The following FGF19 variants were observed in gnomAD, a reference collection of about 807,000 sequenced individuals.
FGF19 encodes the protein fibroblast growth factor 19, also known as FGF-19.
Under a neutral mutation model 8.9 loss-of-function variants are expected in FGF19, and 5 were observed. The observed-to-expected ratio is 0.56, with a 90% CI of 0.29 to 1.18. FGF19 has a LOEUF of 1.18. Ranked by LOEUF, FGF19 falls within the 50% of genes most tolerant of loss-of-function variation. The pLI, the probability that FGF19 is intolerant of heterozygous loss-of-function variation, is 0.08. For synonymous variants in FGF19, 124 were observed against 128.0 expected, an observed-to-expected ratio of 0.97 and a Z score of 0.21; for missense variants, 237 against 293.9, an observed-to-expected ratio of 0.81 and a Z score of 1.42.
Position 69,703,710 on chromosome 11 carries a change from G to T in FGF19, c.167C>A (p.Ser56Tyr), listed in dbSNP as rs1854804680. The T allele has an allele frequency of 8.1e-7, 1 of 1,233,434 alleles. No individual in the cohort carries two copies. Among genetic ancestry groups the T allele is most frequent in the Non-Finnish European group, 1.0e-6 (1 of 988,716 alleles). 76.4% of individuals were successfully genotyped at this position (1,233,434 alleles called of 1,614,324 possible). A position where few individuals can be genotyped will look rare whatever the true frequency, so the allele number is the denominator to read the frequency against. The change falls in exon 1 of 3, where the codon TCC (serine) becomes TAC (tyrosine). Residue 56 changes from serine to tyrosine, a missense_variant. Transcript: ENST00000294312. The surrounding 1 kb of genome is among the most constrained non-coding windows in gnomAD (Gnocchi z 6.8). ...GGCACGGATGCGCAGGAAGCAGCTGGAGAGCCCGTGGGGGCCGGAGGTGTA... is the reference window on the plus strand; with the variant it reads ...GGCACGGATGCGCAGGAAGCAGCTGTAGAGCCCGTGGGGGCCGGAGGTGTA... ...HLYTSGPHGLSSCFLRIRADG... is the reference protein window; with the variant it reads ...HLYTSGPHGLYSCFLRIRADG...
chr11:69,703,849 C>T lies in FGF19; in HGVS notation c.28G>A (p.Val10Ile), dbSNP rs2119918698. 8.0e-7 allele frequency: 1 copy of T among 1,243,194 alleles called. No homozygotes were observed. The highest frequency in any genetic ancestry group is 1.0e-6 in the Non-Finnish European group (1 of 993,982). 77.0% of individuals were successfully genotyped at this position (1,243,194 alleles called of 1,614,324 possible). The change falls in exon 1 of 3, where the codon GTA becomes ATA. Residue 10 changes from valine to isoleucine, a missense_variant. Physicochemically the swap from Val to Ile is conservative, Grantham distance 29. Coordinates refer to ENST00000294312, the MANE Select transcript of FGF19 (RefSeq NM_005117.3). The surrounding 1 kb of genome is among the most constrained non-coding windows in gnomAD (Gnocchi z 6.8). MRSGCVVVH[V>I]WILAGLWLAV... ...AGCCAGAGGCCGGCCAGGATCCATA[C>T]GTGGACCACCACACACCCGCTCCGC...
chr11:69,701,512 A>G (rs1426136881), intron 2 of FGF19, among the ~76,000 whole-genome samples: 1 of 149,776 alleles, frequency 6.7e-6, no homozygotes, highest in East Asian at 2.0e-4. Flanking sequence ...CTGAGGCAGG[A>G]GAATTGCTTG....
rs1157073249 is a variant in FGF19, at chr11:69,698,467, CT to C, written c.*794del. 5.3e-6 allele frequency: 1 copy of C among 187,318 alleles called. No homozygotes were observed. The highest frequency in any genetic ancestry group is 2.3e-5 in the African/African-American group (1 of 42,718). The allele number at this position is 187,318 out of a possible 1,614,324, so 11.6% of individuals were successfully genotyped here. On this transcript the variant is annotated 3_prime_UTR_variant, in exon 3 of 3. Transcript: ENST00000294312. ...TGGGGTCTTCAAATCTTTTCTTTTCCTGATTTTTGAACAAGAAGTGCAGGTT... is the reference window on the plus strand; with the variant it reads ...TGGGGTCTTCAAATCTTTTCTTTTCCGATTTTTGAACAAGAAGTGCAGGTT...
rs1854747681 is a variant in FGF19 at position 69,699,656 on chromosome 11, T to C, written c.337-80A>G. On this transcript the variant is annotated intron_variant, in intron 2 of 2. Transcript: ENST00000294312. ...CCACATGGACGTTTGTGCTACAGAC[T>C]GTCCCTGGTGGCCACCAGCAGTGAC... 3.4e-6 allele frequency: 4 copies of C among 1,183,400 alleles called. No individual in the cohort carries two copies. In the East Asian group the frequency reaches 7.7e-5, roughly 23 times the overall value. The allele number at this position is 1,183,400 out of a possible 1,614,324, so 73.3% of individuals were successfully genotyped here.
intron 2 of FGF19, among the ~76,000 whole-genome samples, chr11:69,700,946 G>C (rs1854766392): frequency 6.6e-6 from 1 of 152,268 alleles, no homozygotes; most frequent in African/African-American, 2.4e-5. Context: ...GAGCCGGAAG[G>C]GCTGGGCAGT....
intron 2 of FGF19, among the ~76,000 whole-genome samples, chr11:69,700,698 T>C (rs1565087290): frequency 2.0e-5 from 3 of 152,198 alleles, no homozygotes; most frequent in Non-Finnish European, 4.4e-5. Flanking sequence ...AGCCCCGCTG[T>C]CTCCTCCATT....
In FGF19 at chr11:69,699,136, T is replaced by C; in HGVS notation, c.*126A>G. On this transcript the variant is annotated 3_prime_UTR_variant, in exon 3 of 3. Transcript: ENST00000294312. Reference sequence around the variant, plus strand: ...ATGGAAAACTCTGAATATGTACAACTTCTAGATGTTTCTTCCTAAAGCTAA... The same window carrying C: ...ATGGAAAACTCTGAATATGTACAACCTCTAGATGTTTCTTCCTAAAGCTAA... 1.5e-6 allele frequency: 1 copy of C among 674,750 alleles called. No homozygotes were observed. Among genetic ancestry groups the C allele is most frequent in the Non-Finnish European group, 2.5e-6 (1 of 403,634 alleles). The allele number at this position is 674,750 out of a possible 1,614,324, so 41.8% of individuals were successfully genotyped here.
At position 69,699,196 on chromosome 11, in the gene FGF19, C is replaced by T. The variant is rs1217954042; in HGVS notation, c.*66G>A. 2.6e-6 allele frequency: 3 copies of T among 1,161,418 alleles called. No individual in the cohort carries two copies. The African/African-American group carries it at 4.6e-5, about 18-fold the overall frequency. 71.9% of individuals were successfully genotyped at this position (1,161,418 alleles called of 1,614,324 possible). A position where few individuals can be genotyped will look rare whatever the true frequency, so the allele number is the denominator to read the frequency against. On this transcript the variant is annotated 3_prime_UTR_variant, in exon 3 of 3. Coordinates refer to ENST00000294312, the MANE Select transcript of FGF19 (RefSeq NM_005117.3). ...GGACTCAGGACTGTTCTTGTAGAAGCACGTCCCCCACGCTGCAGGTACCAC... is the reference window on the plus strand; with the variant it reads ...GGACTCAGGACTGTTCTTGTAGAAGTACGTCCCCCACGCTGCAGGTACCAC...
chr11:69,701,022 G>C (rs999917327), intron 2 of FGF19, among the ~76,000 whole-genome samples: 3 of 152,224 alleles, frequency 2.0e-5, no homozygotes, highest in Non-Finnish European at 4.4e-5. Context: ...TGAACTGCAG[G>C]TGGGTGACGA....
At chr11:69,701,713 A>T (rs1854773959) in intron 2 of FGF19, among the ~76,000 whole-genome samples, 1 of 151,436 alleles carries the variant, frequency 6.6e-6, no homozygotes, top group Non-Finnish European at 1.5e-5. Context: ...CTCTAATCCC[A>T]AAGCACTTTG....
At chr11:69,701,091 C>T (rs1248417032) in intron 2 of FGF19, among the ~76,000 whole-genome samples, 2 of 152,314 alleles carry the variant, frequency 1.3e-5, no homozygotes, top group East Asian at 1.9e-4. Flanking sequence ...AGGCTCCTGC[C>T]GAGCCCACGG....
chr11:69,700,804 G>T (rs761654331), intron 2 of FGF19, among the ~76,000 whole-genome samples: 1 of 152,168 alleles, frequency 6.6e-6, no homozygotes, highest in African/African-American at 2.4e-5. Context: ...CCAGCTGGTG[G>T]CCGGAAATGT....
In FGF19 at chr11:69,703,315, G is replaced by T; in HGVS notation, c.282C>A (p.Gly94=). The T allele has an allele frequency of 6.2e-7, 1 of 1,610,660 alleles. No individual in the cohort carries two copies. The highest frequency in any genetic ancestry group is 8.5e-7 in the Non-Finnish European group (1 of 1,178,902). Reference sequence around the variant, plus strand: ...TGCAGAGGTACCGCACGCTGTGCACGCCCTTGATGGCCACGGTCCGCAGAG... The same window carrying T: ...TGCAGAGGTACCGCACGCTGTGCACTCCCTTGATGGCCACGGTCCGCAGAG... ...AVALRTVAIK[G]VHSVRYLCMG... Residue 94 remains glycine (G), a synonymous_variant, in exon 2 of 3, where the codon GGC becomes GGA. Coordinates refer to ENST00000294312, the MANE Select transcript of FGF19 (RefSeq NM_005117.3). The surrounding 1 kb of genome is among the most constrained non-coding windows in gnomAD (Gnocchi z 6.8).
At position 69,699,343 on chromosome 11, in the gene FGF19, C is replaced by T. The variant is rs150092110; in HGVS notation, c.570G>A (p.Ser190=). The T allele has an allele frequency of 4.0e-5, 64 of 1,613,978 alleles. No individual in the cohort carries two copies. In the African/African-American group the frequency reaches 5.9e-4, roughly 15 times the overall value. The change falls in exon 3 of 3, where the codon TCG becomes TCA. Residue 190 remains serine, a synonymous_variant. Coordinates refer to ENST00000294312, the MANE Select transcript of FGF19 (RefSeq NM_005117.3). The part of the protein sequence containing the change: ...RGHLESDMFS[S]PLETDSMDPF... The stretch of plus-strand genomic sequence containing the variant: ...GGTCCATGCTGTCGGTCTCCAGGGG[C>T]GAAGAGAACATGTCAGATTCCAAGT...
Position 69,703,530 on chromosome 11 carries a change from G to T in FGF19, c.232+115C>A. ...CCAAAACCTGGGGTTCCCAGGAGTT[G>T]AGGGGTCCGCAGGAGCCTAAGGGTG... On this transcript the variant is annotated intron_variant, in intron 1 of 2. Coordinates refer to ENST00000294312, the MANE Select transcript of FGF19 (RefSeq NM_005117.3). This position sits in a 1 kb window ranked among gnomAD's most constrained non-coding sequence, Gnocchi z 6.8. The T allele has an allele frequency of 1.3e-6, 1 of 787,960 alleles. No individual in the cohort carries two copies. The highest frequency in any genetic ancestry group is 2.7e-5 in the South Asian group (1 of 36,396). The allele number at this position is 787,960 out of a possible 1,614,324, so 48.8% of individuals were successfully genotyped here. A position where few individuals can be genotyped will look rare whatever the true frequency, so the allele number is the denominator to read the frequency against.
rs529421196 is a variant in FGF19, at chr11:69,700,694, G to A, written c.337-1118C>T. Among the ~76,000 whole-genome samples, 27 of 152,314 alleles carry A rather than the reference G, an allele frequency of 1.8e-4. No individual in the cohort carries two copies. The South Asian group carries it at 4.6e-3, about 26-fold the overall frequency. On this transcript the variant is annotated intron_variant, in intron 2 of 2. Transcript: ENST00000294312. ...AGCAGTTCTGAGAACCATCAGCCCCGCTGTCTCCTCCATTCAGTCACCAAG... is the reference window on the plus strand; with the variant it reads ...AGCAGTTCTGAGAACCATCAGCCCCACTGTCTCCTCCATTCAGTCACCAAG...
intron 2 of FGF19, among the ~76,000 whole-genome samples, chr11:69,701,964 CCAAAAAA>C (rs1402149681): frequency 5.3e-5 from 1 of 18,696 alleles, no homozygotes; most frequent in African/African-American, 2.9e-4. Context: ...CAAGACTCTG[CCAAAAAA>C]AAAAAAAAAA....
In FGF19 at chr11:69,703,816, C is replaced by T; in HGVS notation, c.61G>A (p.Ala21Thr). The T allele has an allele frequency of 1.6e-6, 2 of 1,236,106 alleles. No individual in the cohort carries two copies. Among genetic ancestry groups the T allele is most frequent in the Non-Finnish European group, 2.0e-6 (2 of 990,022 alleles). 76.6% of individuals were successfully genotyped at this position (1,236,106 alleles called of 1,614,324 possible). A position where few individuals can be genotyped will look rare whatever the true frequency, so the allele number is the denominator to read the frequency against. Residue 21 changes from alanine to threonine, a missense_variant, in exon 1 of 3, where the codon GCC becomes ACC. By Grantham distance (58) the Ala-to-Thr change is moderately conservative. Coordinates refer to ENST00000294312, the MANE Select transcript of FGF19 (RefSeq NM_005117.3). This position sits in a 1 kb window ranked among gnomAD's most constrained non-coding sequence, Gnocchi z 6.8. The part of the protein sequence containing the change: ...WILAGLWLAV[A>T]GRPLAFSDAG... Reference sequence around the variant, plus strand: ...TCCGAGAAGGCGAGGGGGCGCCCGGCCACGGCCAGCCAGAGGCCGGCCAGG... The same window carrying T: ...TCCGAGAAGGCGAGGGGGCGCCCGGTCACGGCCAGCCAGAGGCCGGCCAGG...
rs2119902492 is a variant in FGF19, at chr11:69,698,357, A to T, written c.*905T>A. 1 of 186,270 alleles carries T rather than the reference A, an allele frequency of 5.4e-6. No homozygotes were observed. Among genetic ancestry groups the T allele is most frequent in the African/African-American group, 2.3e-5 (1 of 42,820 alleles). 11.5% of individuals were successfully genotyped at this position (186,270 alleles called of 1,614,324 possible). A position where few individuals can be genotyped will look rare whatever the true frequency, so the allele number is the denominator to read the frequency against. ...TACATATCAAAATAAATTACTCATA[A>T]ATATCATGTTGGAAAACCAAGTGCT... On this transcript the variant is annotated 3_prime_UTR_variant, in exon 3 of 3. Coordinates refer to ENST00000294312, the MANE Select transcript of FGF19 (RefSeq NM_005117.3).
Sources: allele counts gnomAD v4.1 joint callset (sites outside exome capture counted in the v4.1 genomes callset), GRCh38; gene constraint gnomAD v4.1.1; non-coding constraint Gnocchi (gnomAD v3.1); transcripts MANE v1.5; gene names NCBI Gene and HGNC (gene_info 2026-07-23, HGNC 2026-07-21).